KIF6: variants seen among roughly 807,000 people sequenced by gnomAD.
KIF6 encodes the protein kinesin family member 6.
KIF6 carries 106 observed loss-of-function variants against 112.7 expected under a neutral mutation model. That is an observed-to-expected ratio of 0.94 (90% confidence interval 0.80 to 1.11). The LOEUF is 1.11. Ranked by LOEUF, KIF6 falls within the 50% of genes least tolerant of loss-of-function variation. The probability of loss-of-function intolerance (pLI) is 0.00; values close to 1 mark genes in which losing one functional copy is unlikely to be tolerated. For missense variants in KIF6, 929 were observed against 964.0 expected, an observed-to-expected ratio of 0.96 and a Z score of 0.48; for synonymous variants, 339 against 339.9, an observed-to-expected ratio of 1.00 and a Z score of 0.03.
chr6:39,710,211 T>A (rs1027546777), intron 3 of KIF6, among the ~76,000 whole-genome samples: 5 of 152,144 alleles, frequency 3.3e-5, no homozygotes, highest in African/African-American at 1.2e-4. Flanking sequence ...AGTAAGATAC[T>A]CCTAGCACCC....
Position 39,334,116 on chromosome 6 carries a change from G to C in KIF6, c.*2416C>G, listed in dbSNP as rs1190147370. ...GCTGCACACACTTTGCATATGCTCT[G>C]GACACCAGTGGCCCCAGATCCCATG... is the stretch of plus-strand genomic sequence containing the variant. On this transcript the variant is annotated 3_prime_UTR_variant, in exon 23 of 23. Coordinates refer to ENST00000287152, the MANE Select transcript of KIF6 (RefSeq NM_145027.6). The C allele has an allele frequency of 6.6e-6, 1 of 152,282 alleles. No homozygotes were observed. Among genetic ancestry groups the C allele is most frequent in the Non-Finnish European group, 1.5e-5 (1 of 68,066 alleles). 9.4% of individuals were successfully genotyped at this position (152,282 alleles called of 1,614,324 possible). A position where few individuals can be genotyped will look rare whatever the true frequency, so the allele number is the denominator to read the frequency against.
intron 19 of KIF6, among the ~76,000 whole-genome samples, chr6:39,350,244 G>A (rs900333210): frequency 2.6e-5 from 4 of 152,090 alleles, no homozygotes; most frequent in Admixed American, 1.3e-4. Context: ...TAAAGAAAGC[G>A]CCTTGTACAA....
chr6:39,618,195 A>G (rs930303040), intron 5 of KIF6, among the ~76,000 whole-genome samples: 1 of 152,184 alleles, frequency 6.6e-6, no homozygotes, highest in African/African-American at 2.4e-5. Flanking sequence ...ACCTAGACAA[A>G]ATGGGCTAAA....
At chr6:39,723,451 A>G (rs1790340195) in intron 1 of KIF6, among the ~76,000 whole-genome samples, 1 of 152,240 alleles carries the variant, frequency 6.6e-6, no homozygotes, top group Admixed American at 6.5e-5. Context: ...TTAAAATTAC[A>G]GCTCTGCTGT....
intron 13 of KIF6, among the ~76,000 whole-genome samples, chr6:39,468,278 G>A (rs1474436798): frequency 1.3e-5 from 2 of 151,980 alleles, no homozygotes; most frequent in Non-Finnish European, 2.9e-5. Flanking sequence ...AAGACGGAGG[G>A]GAGAAGAGAG....
At chr6:39,440,794 G>A (rs1025566081) in intron 13 of KIF6, among the ~76,000 whole-genome samples, 1 of 152,136 alleles carries the variant, frequency 6.6e-6, no homozygotes, top group Non-Finnish European at 1.5e-5. Flanking sequence ...GGATAGGAAG[G>A]TCAGGGGGAA....
At position 39,545,706 on chromosome 6, in the gene KIF6, A is replaced by C; in HGVS notation, c.1182-18T>G. 3.3e-6 allele frequency: 5 copies of C among 1,498,698 alleles called. No homozygotes were observed. The highest frequency in any genetic ancestry group is 4.6e-6 in the Non-Finnish European group (5 of 1,076,004). The allele number at this position is 1,498,698 out of a possible 1,614,324, so 92.8% of individuals were successfully genotyped here. ...TTTCCAGCCTAAAAATACATAATGT[A>C]TGAGAAGCAACTGTGAGCTAGAAGC... On this transcript the variant is annotated intron_variant, in intron 10 of 22. Coordinates refer to ENST00000287152, the MANE Select transcript of KIF6 (RefSeq NM_145027.6).
intron 13 of KIF6, among the ~76,000 whole-genome samples, chr6:39,512,722 T>C (rs1308724427): frequency 2.0e-5 from 3 of 152,192 alleles, no homozygotes; most frequent in Non-Finnish European, 4.4e-5. Context: ...GTCCCTGACA[T>C]CTATCCTGGC....
Position 39,345,798 on chromosome 6 carries a change from C to T in KIF6, c.2232-9G>A. ...TCCTGGCATTCACATCACTGCAAAA[C>T]ACAAACAAACAAAAGCAAAAGGAAT... On this transcript the variant is annotated splice_polypyrimidine_tract_variant and intron_variant, in intron 20 of 22. Coordinates refer to ENST00000287152, the MANE Select transcript of KIF6 (RefSeq NM_145027.6). 6.2e-7 allele frequency: 1 copy of T among 1,608,492 alleles called. No individual in the cohort carries two copies. Among genetic ancestry groups the T allele is most frequent in the African/African-American group, 1.3e-5 (1 of 74,428 alleles).
Position 39,578,111 on chromosome 6 carries a change from C to T in KIF6, c.1126G>A (p.Ala376Thr). 1.2e-6 allele frequency: 2 copies of T among 1,614,086 alleles called. No individual in the cohort carries two copies. Among genetic ancestry groups the T allele is most frequent in the East Asian group, 2.2e-5 (1 of 44,884 alleles). ...GTCCTCTGCTCCCCAGTGACCATGG[C>T]CAGTTCATCCTTCAGTTCCTGGATT... is the stretch of plus-strand genomic sequence containing the variant. ...KEIQELKDEL[A>T]MVTGEQRTEA... is the part of the protein sequence containing the mutation. The change falls in exon 10 of 23, where the codon GCC becomes ACC. Residue 376 changes from alanine (A) to threonine (T), a missense_variant. By Grantham distance (58) the Ala-to-Thr change is moderately conservative. Coordinates refer to ENST00000287152, the MANE Select transcript of KIF6 (RefSeq NM_145027.6).
At chr6:39,438,666 G>C (rs190049551) in intron 13 of KIF6, among the ~76,000 whole-genome samples, 1 of 152,268 alleles carries the variant, frequency 6.6e-6, no homozygotes, top group East Asian at 1.9e-4. Flanking sequence ...AGGCTTATAA[G>C]ATAAAAAGTT....
At chr6:39,471,674 G>A (rs1219412373) in intron 13 of KIF6, among the ~76,000 whole-genome samples, 1 of 152,108 alleles carries the variant, frequency 6.6e-6, no homozygotes, top group African/African-American at 2.4e-5. Context: ...ACTGGCTCAA[G>A]GTAGAAAAGG....
Position 39,503,858 on chromosome 6 carries a change from A to AAAAAAAG in KIF6, c.1645+36138_1645+36144dup, listed in dbSNP as rs371493063. Reference sequence around the variant, plus strand: ...GCCTACCAACCAACCAGAAAAAAAAAAAAAAAGAAAAAAGAAAAAAGAAAA... The same window carrying AAAAAAAG: ...GCCTACCAACCAACCAGAAAAAAAAAAAAAAAGAAAAAAGAAAAAAGAAAAAAGAAAA... On this transcript the variant is annotated intron_variant, in intron 13 of 22. Coordinates refer to ENST00000287152, the MANE Select transcript of KIF6 (RefSeq NM_145027.6). Among the ~76,000 whole-genome samples, 5 of 150,698 alleles carry AAAAAAAG rather than the reference A, an allele frequency of 3.3e-5. No homozygotes were observed. In the South Asian group the frequency reaches 1.0e-3, roughly 31 times the overall value.
intron 9 of KIF6, among the ~76,000 whole-genome samples, chr6:39,582,799 T>C (rs970236201): frequency 1.3e-5 from 2 of 152,150 alleles, no homozygotes; most frequent in Admixed American, 6.5e-5. Context: ...AAGTAAGACA[T>C]AGGAAATGCC....
At chr6:39,692,544 A>G (rs986930715) in intron 3 of KIF6, among the ~76,000 whole-genome samples, 1 of 152,154 alleles carries the variant, frequency 6.6e-6, no homozygotes, top group African/African-American at 2.4e-5. Context: ...GAAGCTTTGC[A>G]CTCACTTGTT....
intron 3 of KIF6, among the ~76,000 whole-genome samples, chr6:39,661,152 T>G (rs1314389747): frequency 1.3e-5 from 2 of 152,208 alleles, no homozygotes; most frequent in Non-Finnish European, 2.9e-5. Context: ...CATCAAATTC[T>G]GCTATTTTAA....
At chr6:39,518,757 G>A (rs992526901) in intron 13 of KIF6, among the ~76,000 whole-genome samples, 7 of 152,166 alleles carry the variant, frequency 4.6e-5, no homozygotes, top group South Asian at 2.1e-4. Flanking sequence ...TCTGACACTC[G>A]TTGAGCTTTT....
chr6:39,480,101 G>C (rs1292846130), intron 13 of KIF6, among the ~76,000 whole-genome samples: 1 of 152,170 alleles, frequency 6.6e-6, no homozygotes, highest in Non-Finnish European at 1.5e-5. Flanking sequence ...AATAGAAGTG[G>C]TGAGAGTGGG....
intron 11 of KIF6, 119 bp downstream of exon 11, chr6:39,545,464 C>A: frequency 3.2e-6 from 2 of 634,238 alleles, no homozygotes; most frequent in Non-Finnish European, 5.7e-6. Flanking sequence ...AAGATCGTAC[C>A]ATTTTCTGGA....
Sources: allele counts gnomAD v4.1 joint callset (sites outside exome capture counted in the v4.1 genomes callset), GRCh38; gene constraint gnomAD v4.1.1; transcripts MANE v1.5; gene names NCBI Gene and HGNC (gene_info 2026-07-23, HGNC 2026-07-21).